Variants in SLC26A8 observed in about 807,000 individuals in gnomAD.
The protein encoded by SLC26A8 is testis anion transporter 1.
In SLC26A8, 70 loss-of-function variants were observed where a neutral mutation model predicts 105.0. The observed-to-expected ratio is 0.67, with a 90% confidence interval of 0.55 to 0.81. The LOEUF (loss-of-function observed/expected upper bound fraction) is 0.81, where lower values mean the gene tolerates loss of function less well. Among genes scored for constraint, SLC26A8 ranks in the 40% least tolerant of loss-of-function variants. The pLI is 0.00. For missense variants in SLC26A8, 998 were observed against 1,181.8 expected, an observed-to-expected ratio of 0.84 and a Z score of 2.28; for synonymous variants, 415 against 438.3, an observed-to-expected ratio of 0.95 and a Z score of 0.66.
intron 2 of SLC26A8, among the ~76,000 whole-genome samples, chr6:36,018,506 A>G (rs1762049776): frequency 6.6e-6 from 1 of 152,050 alleles, no homozygotes; most frequent in African/African-American, 2.4e-5. Context: ...ACTTGGGCTG[A>G]GGGGTGGGGA....
intron 3 of SLC26A8, among the ~76,000 whole-genome samples, chr6:36,004,896 G>A (rs1189465661): frequency 2.0e-5 from 3 of 148,946 alleles, no homozygotes; most frequent in African/African-American, 5.0e-5. Flanking sequence ...GAACTCCTGA[G>A]CTCAAGCGAT....
At chr6:36,024,169 A>G (rs1195109985) in intron 1 of SLC26A8, among the ~76,000 whole-genome samples, 1 of 152,150 alleles carries the variant, frequency 6.6e-6, no homozygotes, top group African/African-American at 2.4e-5. Context: ...AGGCCTCAGG[A>G]GGAAATGGAT....
chr6:35,975,562 G>GT (rs111959068), intron 9 of SLC26A8, 74 bp from the exon 10 acceptor site: 72,307 of 565,156 alleles, frequency 0.13, 7 homozygotes, highest in East Asian at 0.18. Context: ...AAGGCATATG[G>GT]TTTTTTTTTT....
At chr6:36,017,406 T>A (rs1100862) in intron 2 of SLC26A8, among the ~76,000 whole-genome samples, 1 of 151,880 alleles carries the variant, frequency 6.6e-6, no homozygotes, top group Non-Finnish European at 1.5e-5. Flanking sequence ...CCGAGGCAGG[T>A]GGATCACCTG....
intron 7 of SLC26A8, among the ~76,000 whole-genome samples, chr6:35,983,600 G>A (rs1480330783): frequency 2.7e-5 from 4 of 150,562 alleles, no homozygotes; most frequent in South Asian, 4.2e-4. Context: ...TGCCCAGGCT[G>A]GAGTGCAGTG....
chr6:35,974,496 GA>G (rs1320964528), intron 10 of SLC26A8, among the ~76,000 whole-genome samples: 17 of 152,142 alleles, frequency 1.1e-4, no homozygotes, highest in African/African-American at 4.1e-4. Context: ...ATCTGACCTA[GA>G]TAATTTTCTC....
Position 35,944,300 on chromosome 6 carries a change from C to T in SLC26A8, c.2513G>A (p.Gly838Glu), listed in dbSNP as rs764892860. Residue 838 changes from glycine (G) to glutamate (E), a missense_variant, in exon 20 of 20, where the codon GGA becomes GAA. Coordinates refer to ENST00000490799, the MANE Select transcript of SLC26A8 (RefSeq NM_052961.4). ...SRYKMSSSFL[G>E]SQKNVSPGFI... ...GCCTGGACTTACATTTTTTTGGCTT[C>T]CTAGAAAACTGCTGCTCATTTTATA... 2.5e-6 allele frequency: 4 copies of T among 1,613,692 alleles called. No individual in the cohort carries two copies. The highest frequency in any genetic ancestry group is 3.4e-6 in the Non-Finnish European group (4 of 1,179,862).
rs571951265 is a variant in SLC26A8, at chr6:35,961,002, C to T, written c.1559G>A (p.Arg520His). 2.3e-5 allele frequency: 37 copies of T among 1,613,856 alleles called. No individual in the cohort carries two copies. Among genetic ancestry groups the T allele is most frequent in the Middle Eastern group, 1.6e-4 (1 of 6,084 alleles). The change falls in exon 13 of 20, where the codon CGT (arginine) becomes CAT (histidine). Residue 520 changes from arginine to histidine, a missense_variant. Coordinates refer to ENST00000490799, the MANE Select transcript of SLC26A8 (RefSeq NM_052961.4). ...VVSAFFITTVRSHRAKILLLG... is the reference protein window; with the variant it reads ...VVSAFFITTVHSHRAKILLLG... ...ACCTGAGACAAAGTACCTGTGTGAA[C>T]GAACAGTGGTGATGAAGAAAGCAGA...
At chr6:35,958,039 C>G (rs1179626572) in intron 16 of SLC26A8, among the ~76,000 whole-genome samples, 1 of 152,216 alleles carries the variant, frequency 6.6e-6, no homozygotes, top group Non-Finnish European at 1.5e-5. Context: ...TTATTTCTAC[C>G]TTGGTGTCTT....
chr6:35,951,137 C>A, intron 19 of SLC26A8, 26 bp downstream of exon 19: 2 of 1,568,622 alleles, frequency 1.3e-6, no homozygotes, highest in Non-Finnish European at 1.7e-6. Context: ...CTTCCCCCAA[C>A]CTCATGCTTT....
chr6:36,011,937 G>A (rs995373245), intron 3 of SLC26A8, among the ~76,000 whole-genome samples: 2 of 152,068 alleles, frequency 1.3e-5, no homozygotes, highest in African/African-American at 4.8e-5. Context: ...TAAAACCAAT[G>A]CCAAGTGAGA....
At chr6:36,012,679 C>A (rs1389791810) in intron 2 of SLC26A8, among the ~76,000 whole-genome samples, 1 of 152,174 alleles carries the variant, frequency 6.6e-6, no homozygotes, top group East Asian at 1.9e-4. Context: ...GGGACTAAAT[C>A]ACCTTAGCTT....
At chr6:35,960,483 C>A in intron 14 of SLC26A8, 1 of 217,986 alleles carries the variant, frequency 4.6e-6, no homozygotes, top group South Asian at 8.3e-5. Flanking sequence ...TGGTGAGACC[C>A]TGTCTTTACT....
chr6:35,991,238 TA>T (rs11308158), intron 7 of SLC26A8, among the ~76,000 whole-genome samples: 82,778 of 151,242 alleles, frequency 0.55, 23,145 homozygotes, highest in South Asian at 0.71. Context: ...CTGTCTCTAT[TA>T]AAAAAAATAC....
chr6:35,986,915 G>A (rs1245021808), intron 7 of SLC26A8, among the ~76,000 whole-genome samples: 1 of 152,092 alleles, frequency 6.6e-6, no homozygotes, highest in Non-Finnish European at 1.5e-5. Context: ...CTTTTAAATA[G>A]TGCTGCAGCG....
At chr6:36,005,838 G>A (rs1425877079) in intron 3 of SLC26A8, among the ~76,000 whole-genome samples, 1 of 152,130 alleles carries the variant, frequency 6.6e-6, no homozygotes, top group Non-Finnish European at 1.5e-5. Flanking sequence ...AATTATTACT[G>A]TAGTGTTTTC....
chr6:35,953,700 A>G (rs1473419077), intron 17 of SLC26A8, among the ~76,000 whole-genome samples: 2 of 152,204 alleles, frequency 1.3e-5, no homozygotes, highest in Non-Finnish European at 2.9e-5. Context: ...ATGGATGGGA[A>G]AGCTCTTAAT....
At chr6:35,946,151 C>G (rs1771649933) in intron 19 of SLC26A8, among the ~76,000 whole-genome samples, 1 of 152,140 alleles carries the variant, frequency 6.6e-6, no homozygotes, top group Non-Finnish European at 1.5e-5. Flanking sequence ...TGGTTATAAC[C>G]CTTCCCCTGA....
intron 11 of SLC26A8, 61 bp from the exon 12 acceptor site, chr6:35,962,682 C>T: frequency 6.6e-7 from 1 of 1,518,610 alleles, no homozygotes; most frequent in South Asian, 1.1e-5. Flanking sequence ...TCACAAATCC[C>T]CACCAAGGAA....
Sources: gnomAD v4.1 joint callset for allele counts (sites outside exome capture counted in the v4.1 genomes callset) on GRCh38, gnomAD v4.1.1 for gene constraint, MANE v1.5 for transcripts, NCBI Gene and HGNC (gene_info 2026-07-23, HGNC 2026-07-21) for gene names.